Variants in DPP6 observed in about 807,000 individuals in gnomAD.
DPP6 encodes dipeptidyl peptidase like 6, also known as A-type potassium channel modulatory protein DPP6.
Under a neutral mutation model 122.6 loss-of-function variants are expected in DPP6, and 69 were observed. The observed-to-expected ratio is 0.56, with a 90% confidence interval of 0.46 to 0.69. The LOEUF (loss-of-function observed/expected upper bound fraction) is 0.69, where lower values mean the gene tolerates loss of function less well. Ranked by LOEUF, DPP6 falls within the 30% of genes least tolerant of loss-of-function variation. DPP6 has a pLI of 0.00. For missense variants in DPP6, 928 were observed against 1,116.9 expected (o/e 0.83, Z 2.41); for synonymous variants, 418 against 433.1 (o/e 0.97, Z 0.43).
At chr7:153,838,315 A>G in the DPP6 span, among the ~76,000 whole-genome samples, 1 of 152,058 alleles carries the variant, frequency 6.6e-6, no homozygotes, top group Non-Finnish European at 1.5e-5. Context: ...AATTCTGCCA[A>G]AGAGAGACAA....
chr7:153,891,169 C>T (rs978033326), intron 1 of DPP6, among the ~76,000 whole-genome samples: 4 of 151,248 alleles, frequency 2.6e-5, no homozygotes, highest in Non-Finnish European at 4.4e-5. Flanking sequence ...CTACAGGCGC[C>T]CACCACCATG....
chr7:153,875,944 GA>G, the DPP6 span, among the ~76,000 whole-genome samples: 4 of 138,822 alleles, frequency 2.9e-5, no homozygotes, highest in East Asian at 8.6e-4. Context: ...AAAAAACCCT[GA>G]AAAAAAGAGA....
intron 1 of DPP6, among the ~76,000 whole-genome samples, chr7:154,199,018 G>T (rs940732813): frequency 6.8e-6 from 1 of 147,130 alleles, no homozygotes; most frequent in Non-Finnish European, 1.5e-5. Flanking sequence ...GTTTACTAGG[G>T]TTTTTTTTTT....
At chr7:153,781,589 C>A in the DPP6 span, among the ~76,000 whole-genome samples, 1 of 152,276 alleles carries the variant, frequency 6.6e-6, no homozygotes, top group Middle Eastern at 3.4e-3. Flanking sequence ...GAAAGCTTTT[C>A]TGCTCATCTT....
At chr7:154,711,923 G>A (rs899453854) in intron 7 of DPP6, among the ~76,000 whole-genome samples, 3 of 127,142 alleles carry the variant, frequency 2.4e-5, no homozygotes, top group Non-Finnish European at 5.0e-5. Context: ...TATTAAGGGT[G>A]TAAATTGTCA....
At chr7:154,812,463 A>T (rs1376866212) in intron 16 of DPP6, among the ~76,000 whole-genome samples, 1 of 152,188 alleles carries the variant, frequency 6.6e-6, no homozygotes, top group African/African-American at 2.4e-5. Context: ...GAAGCTGGAA[A>T]TCCAAGACCA....
chr7:154,040,453 G>T (rs1799703624), intron 1 of DPP6, among the ~76,000 whole-genome samples: 1 of 150,284 alleles, frequency 6.7e-6, no homozygotes. Context: ...CTCAACACCA[G>T]TTCTGTGTAA....
chr7:154,159,636 A>G (rs1269203240), intron 1 of DPP6, among the ~76,000 whole-genome samples: 1 of 152,292 alleles, frequency 6.6e-6, no homozygotes, highest in African/African-American at 2.4e-5. Flanking sequence ...TCTGCCTCCC[A>G]GACATGAACT....
chr7:154,520,554 G>T (rs767260907), intron 3 of DPP6, among the ~76,000 whole-genome samples: 1 of 152,220 alleles, frequency 6.6e-6, no homozygotes, highest in Non-Finnish European at 1.5e-5. Flanking sequence ...TTTTGTCACC[G>T]TTGTGTTGAT....
intron 3 of DPP6, among the ~76,000 whole-genome samples, chr7:154,491,986 C>T (rs1049664150): frequency 6.6e-6 from 1 of 152,166 alleles, no homozygotes; most frequent in Non-Finnish European, 1.5e-5. Flanking sequence ...CTAAGATCTC[C>T]ATGGTTCTAG....
At chr7:154,743,633 G>A (rs57719948) in intron 8 of DPP6, among the ~76,000 whole-genome samples, 1,881 of 152,172 alleles carry the variant, frequency 0.012, 39 homozygotes, top group African/African-American at 0.042. Context: ...TTTTGCTGTT[G>A]CTGAAGTTTA....
chr7:154,806,806 A>G (rs1798722705), intron 15 of DPP6, among the ~76,000 whole-genome samples, 188 bp from the exon 16 acceptor site: 1 of 152,128 alleles, frequency 6.6e-6, no homozygotes. Context: ...CCCACCAGCA[A>G]AGGAAGGTGG....
the DPP6 span, among the ~76,000 whole-genome samples, chr7:153,796,678 T>C: frequency 6.6e-6 from 1 of 151,960 alleles, no homozygotes; most frequent in Non-Finnish European, 1.5e-5. Flanking sequence ...TCTCTGGGGG[T>C]GGGTGGCCTA....
In DPP6 at chr7:154,225,114, C is replaced by T. The variant is rs543510522; in HGVS notation, c.243+172051C>T. Reference sequence around the variant, plus strand: ...CCGAGACTGTGCCACTGCACTCCAGCCTGGGTGACAGAGTGAGACTCTGTC... The same window carrying T: ...CCGAGACTGTGCCACTGCACTCCAGTCTGGGTGACAGAGTGAGACTCTGTC... On this transcript the variant is annotated intron_variant, in intron 1 of 25. Transcript: ENST00000377770. Among the ~76,000 whole-genome samples the T allele has an allele frequency of 1.2e-4, 19 of 152,082 alleles. No individual in the cohort carries two copies. In the South Asian group the frequency reaches 4.0e-3, roughly 32 times the overall value.
intron 1 of DPP6, among the ~76,000 whole-genome samples, chr7:154,231,348 C>T (rs767133551): frequency 1.3e-4 from 20 of 152,248 alleles, no homozygotes; most frequent in South Asian, 6.2e-4. Flanking sequence ...CTTACAGGCA[C>T]GCTGAGCATC....
chr7:154,625,573 C>G (rs1475895287), intron 5 of DPP6, among the ~76,000 whole-genome samples: 1 of 152,160 alleles, frequency 6.6e-6, no homozygotes. Flanking sequence ...AGGAAGAGAA[C>G]CAGCTGTGCA....
chr7:154,313,695 A>G (rs201482772), intron 1 of DPP6, among the ~76,000 whole-genome samples: 4,674 of 22,360 alleles, frequency 0.21, 1,048 homozygotes, highest in East Asian at 0.45. Flanking sequence ...GTATATATAT[A>G]TATATATATA....
intron 6 of DPP6, among the ~76,000 whole-genome samples, chr7:154,645,278 G>A (rs1019128659): frequency 4.0e-5 from 6 of 151,736 alleles, no homozygotes; most frequent in Non-Finnish European, 5.9e-5. Context: ...TGTTAGCCAG[G>A]ATGGTCTCGA....
At chr7:154,779,147 C>A (rs1796850720) in intron 10 of DPP6, among the ~76,000 whole-genome samples, 12 of 105,992 alleles carry the variant, frequency 1.1e-4, no homozygotes, top group Non-Finnish European at 1.6e-4. Context: ...CACCACCACC[C>A]CCACCATCAT....
Sources: gnomAD v4.1 joint callset for allele counts (sites outside exome capture counted in the v4.1 genomes callset) on GRCh38, gnomAD v4.1.1 for gene constraint, MANE v1.5 for transcripts, NCBI Gene and HGNC (gene_info 2026-07-23, HGNC 2026-07-21) for gene names.